FER1L6: variants seen among roughly 807,000 people sequenced by gnomAD.
The protein encoded by FER1L6 is fer-1 like family member 6.
FER1L6 carries 177 observed loss-of-function variants against 219.2 expected under a neutral mutation model. The observed-to-expected ratio is 0.81, with a 90% CI of 0.71 to 0.91. FER1L6 has a LOEUF of 0.91. Ranked by LOEUF, FER1L6 falls within the 40% of genes least tolerant of loss-of-function variation. FER1L6 has a pLI of 0.00. For missense variants in FER1L6, 2,153 were observed against 2,259.9 expected (o/e 0.95, Z 0.96); for synonymous variants, 768 against 824.3 (o/e 0.93, Z 1.17).
chr8:123,887,478 A>G (rs527426413), intron 1 of FER1L6, among the ~76,000 whole-genome samples: 9 of 152,262 alleles, frequency 5.9e-5, no homozygotes, highest in African/African-American at 1.9e-4. Flanking sequence ...GCTGGCCCCA[A>G]CTGCATTCTC....
chr8:123,952,248 C>T (rs558306794), intron 1 of FER1L6, among the ~76,000 whole-genome samples: 1 of 152,294 alleles, frequency 6.6e-6, no homozygotes, highest in African/African-American at 2.4e-5. Context: ...TCCAGTGACA[C>T]AGTTAGAAAG....
At chr8:123,884,724 G>A (rs1311275845) in intron 1 of FER1L6, among the ~76,000 whole-genome samples, 1 of 150,618 alleles carries the variant, frequency 6.6e-6, no homozygotes, top group Non-Finnish European at 1.5e-5. Flanking sequence ...TTGGTGCTGG[G>A]AATGGCTGAC....
chr8:124,112,393 C>G (rs1212137806), intron 39 of FER1L6, among the ~76,000 whole-genome samples: 1 of 152,148 alleles, frequency 6.6e-6, no homozygotes, highest in Non-Finnish European at 1.5e-5. Context: ...AAATGAAAAA[C>G]AGCTCCACGG....
chr8:124,101,199 G>A lies in FER1L6; in HGVS notation c.4986G>A (p.Gln1662=). ...NFNWRFLFPF[Q]YLPAEKQMVI... is the part of the protein sequence containing the mutation. ...ACTGGCGCTTCCTGTTTCCCTTTCA[G>A]TATCTCCCAGCTGAGAAGCAAATGG... Residue 1662 remains glutamine, a synonymous_variant, in exon 38 of 41, where the codon CAG becomes CAA. Transcript: ENST00000522917. The A allele has an allele frequency of 1.2e-6, 2 of 1,613,900 alleles. No homozygotes were observed. Among genetic ancestry groups the A allele is most frequent in the Non-Finnish European group, 1.7e-6 (2 of 1,179,966 alleles).
intron 1 of FER1L6, among the ~76,000 whole-genome samples, chr8:123,888,716 C>T (rs1377129189): frequency 6.6e-6 from 1 of 152,098 alleles, no homozygotes; most frequent in Non-Finnish European, 1.5e-5. Flanking sequence ...GAAAGTTCAG[C>T]TGTGTGAACA....
At chr8:123,940,745 A>G (rs1248469382) in intron 1 of FER1L6, among the ~76,000 whole-genome samples, 1 of 152,212 alleles carries the variant, frequency 6.6e-6, no homozygotes, top group East Asian at 1.9e-4. Flanking sequence ...TATCCTAGAT[A>G]ATTGTAGGGC....
intron 16 of FER1L6, among the ~76,000 whole-genome samples, chr8:124,020,502 A>G (rs577121346): frequency 3.3e-5 from 5 of 152,348 alleles, no homozygotes; most frequent in Admixed American, 3.3e-4. Flanking sequence ...TCCTAAGCAC[A>G]TAAATGTGAG....
At chr8:123,907,864 C>T (rs978794361) in intron 1 of FER1L6, among the ~76,000 whole-genome samples, 1 of 151,846 alleles carries the variant, frequency 6.6e-6, no homozygotes, top group Admixed American at 6.6e-5. Flanking sequence ...GTCAGAGGGG[C>T]AGTAAACTTA....
At chr8:123,861,319 C>CT (rs1417922873) in intron 1 of FER1L6, among the ~76,000 whole-genome samples, 1 of 141,362 alleles carries the variant, frequency 7.1e-6, no homozygotes, top group African/African-American at 2.8e-5. Context: ...TCTGAGGGCT[C>CT]TGTTCTGTTC....
chr8:124,051,778 C>T (rs935872335), intron 22 of FER1L6, among the ~76,000 whole-genome samples: 2 of 152,194 alleles, frequency 1.3e-5, no homozygotes, highest in African/African-American at 4.8e-5. Context: ...AACCCAGACC[C>T]TGCCCAGGTC....
chr8:123,899,290 A>G (rs1812817791), intron 1 of FER1L6, among the ~76,000 whole-genome samples: 1 of 151,984 alleles, frequency 6.6e-6, no homozygotes, highest in African/African-American at 2.4e-5. Flanking sequence ...TTTGTTGGCC[A>G]TTTGTATATC....
intron 1 of FER1L6, chr8:123,925,663 A>G (rs911548097): frequency 6.6e-6 from 1 of 152,246 alleles, no homozygotes; most frequent in South Asian, 2.1e-4. Context: ...TAGAAGTTTC[A>G]ATATTTCCTT....
In FER1L6 at chr8:123,993,714, C is replaced by T. The variant is rs555659961; in HGVS notation, c.1519+7538C>T. Among the ~76,000 whole-genome samples the T allele has an allele frequency of 2.6e-5, 4 of 152,240 alleles. No homozygotes were observed. In the South Asian group the frequency reaches 6.2e-4, roughly 24 times the overall value. On this transcript the variant is annotated intron_variant, in intron 12 of 40. Transcript: ENST00000522917. ...GTAGGAGTCCCTGAGAGCCAAACTA[C>T]AGTGAATGTTGCTGTTCTTCTGGGT...
At chr8:123,975,426 A>C in intron 8 of FER1L6, 120 bp downstream of exon 8, 1 of 949,262 alleles carries the variant, frequency 1.1e-6, no homozygotes, top group Non-Finnish European at 1.6e-6. Flanking sequence ...CAGCTTGGTC[A>C]CCTGGCATTC....
At chr8:124,092,693 C>T (rs1822087345) in intron 34 of FER1L6, among the ~76,000 whole-genome samples, 1 of 152,164 alleles carries the variant, frequency 6.6e-6, no homozygotes, top group Non-Finnish European at 1.5e-5. Context: ...GTTTAATTGG[C>T]TCACAGTTCT....
intron 13 of FER1L6, among the ~76,000 whole-genome samples, chr8:124,005,206 C>G (rs764020819): frequency 1.3e-5 from 2 of 152,204 alleles, no homozygotes; most frequent in Non-Finnish European, 2.9e-5. Flanking sequence ...GAATCTTATT[C>G]AAGACCTTCG....
chr8:123,956,511 T>C (rs951523283), intron 2 of FER1L6, among the ~76,000 whole-genome samples: 1 of 152,236 alleles, frequency 6.6e-6, no homozygotes, highest in African/African-American at 2.4e-5. Context: ...CAACATCTCA[T>C]TGAATCCCTC....
At chr8:123,927,702 T>C (rs902021167) in intron 1 of FER1L6, among the ~76,000 whole-genome samples, 1 of 152,238 alleles carries the variant, frequency 6.6e-6, no homozygotes, top group Non-Finnish European at 1.5e-5. Context: ...TCTTACTTTA[T>C]TGACGTTCAC....
intron 1 of FER1L6, among the ~76,000 whole-genome samples, chr8:123,940,538 A>G (rs1814197432): frequency 6.6e-6 from 1 of 152,082 alleles, no homozygotes; most frequent in African/African-American, 2.4e-5. Context: ...GGGTTTTGCC[A>G]TGTTGGCCAG....
Sources: gnomAD v4.1 joint callset for allele counts (sites outside exome capture counted in the v4.1 genomes callset) on GRCh38, gnomAD v4.1.1 for gene constraint, MANE v1.5 for transcripts, NCBI Gene and HGNC (gene_info 2026-07-23, HGNC 2026-07-21) for gene names.